The following PPFIA4 variants were observed in gnomAD, a reference collection of about 807,000 sequenced individuals.
PPFIA4 encodes the protein PPFI scaffold protein A4, also known as liprin-alpha-4.
In PPFIA4, 98 loss-of-function variants were observed where a neutral mutation model predicts 145.7. The ratio of observed to expected loss-of-function variants is 0.67; its 90% CI spans 0.57 to 0.80. The LOEUF is 0.80. Among genes scored for constraint, PPFIA4 ranks in the 30% least tolerant of loss-of-function variants. The probability of loss-of-function intolerance (pLI) is 0.00; values close to 1 mark genes in which losing one functional copy is unlikely to be tolerated. For missense variants in PPFIA4, 1,457 were observed against 1,632.7 expected, an observed-to-expected ratio of 0.89 and a Z score of 1.85; for synonymous variants, 628 against 649.6, an observed-to-expected ratio of 0.97 and a Z score of 0.51.
rs1019302117 is a variant in PPFIA4, at chr1:203,051,297, C to T, written c.1512-472C>T. 23 of 986,694 alleles carry T rather than the reference C, an allele frequency of 2.3e-5. No homozygotes were observed. The Admixed American group carries it at 3.1e-4, about 13-fold the overall frequency. 61.1% of individuals were successfully genotyped at this position (986,694 alleles called of 1,614,324 possible). ...ACTCAGTCCAGATTATGGGGAGACC[C>T]GAGGAAAAGTGCTGGGTAGAAGACC... On this transcript the variant is annotated intron_variant, in intron 13 of 29. Transcript: ENST00000295706.
At chr1:203,037,357 A>G (rs1659357220) in intron 1 of PPFIA4, among the ~76,000 whole-genome samples, 1 of 152,106 alleles carries the variant, frequency 6.6e-6, no homozygotes, top group South Asian at 2.1e-4. Context: ...CCGAGGGTAG[A>G]CAGAAGGCTT....
intron 1 of PPFIA4, among the ~76,000 whole-genome samples, chr1:203,032,426 C>CTTTTTTCTTTTTT (rs67178955): frequency 1.7e-5 from 1 of 59,484 alleles, no homozygotes; most frequent in Non-Finnish European, 3.6e-5. Context: ...CCCTTCCCCG[C>CTTTTTTCTTTTTT]TTTTTTGTTG....
chr1:203,067,318 C>T (rs765651185), intron 25 of PPFIA4: 7 of 216,172 alleles, frequency 3.2e-5, no homozygotes, highest in Non-Finnish European at 5.6e-5. Flanking sequence ...GTAAGGACTC[C>T]GAGTGAAGTA....
intron 4 of PPFIA4, 85 bp downstream of exon 4, chr1:203,044,180 G>C: frequency 7.1e-7 from 1 of 1,409,754 alleles, no homozygotes; most frequent in Non-Finnish European, 9.5e-7. Flanking sequence ...TTCCACATCC[G>C]GTATTTAGGG....
In PPFIA4 at chr1:203,059,208, A is replaced by G. The variant is rs770441608; in HGVS notation, c.2438A>G (p.Gln813Arg). The change falls in exon 20 of 30, where the codon CAG becomes CGG. Residue 813 changes from glutamine to arginine, a missense_variant. Around this residue, in one of 3 missense-constraint regions of PPFIA4, gnomAD observed 848 missense variants for 1,046.7 expected, o/e 0.81. Coordinates refer to ENST00000295706, the MANE Select transcript of PPFIA4 (RefSeq NM_001304331.2). ...VLLTDSEFSMQEPMVPAKLGT... is the reference protein window; with the variant it reads ...VLLTDSEFSMREPMVPAKLGT... The stretch of plus-strand genomic sequence containing the variant: ...CTAACAGACTCCGAATTCAGTATGC[A>G]GGAGCCTATGGTGCCTGCCAAGCTG... 5 of 1,550,372 alleles carry G rather than the reference A, an allele frequency of 3.2e-6. No individual in the cohort carries two copies. The highest frequency in any genetic ancestry group is 4.4e-6 in the Non-Finnish European group (5 of 1,137,798).
At chr1:203,026,958 T>TC (rs1027144613) in intron 1 of PPFIA4, among the ~76,000 whole-genome samples, 5 of 152,098 alleles carry the variant, frequency 3.3e-5, no homozygotes, top group Non-Finnish European at 7.4e-5. Context: ...CGCCCCCATT[T>TC]CCCCTCCAGG....
chr1:203,049,408 G>A (rs568958794), intron 12 of PPFIA4, among the ~76,000 whole-genome samples: 5 of 152,272 alleles, frequency 3.3e-5, no homozygotes, highest in East Asian at 1.9e-4. Context: ...GTGAGGGGTC[G>A]GCAGGCCTAG....
intron 25 of PPFIA4, 62 bp downstream of exon 25, chr1:203,064,065 C>T: frequency 6.5e-7 from 1 of 1,548,956 alleles, no homozygotes; most frequent in Non-Finnish European, 8.8e-7. Flanking sequence ...CTCTGAGGGT[C>T]TGCCTCCAGG....
At chr1:203,067,410 G>A (rs1008595063) in intron 25 of PPFIA4, 1 of 393,840 alleles carries the variant, frequency 2.5e-6, no homozygotes, top group Non-Finnish European at 4.6e-6. Flanking sequence ...TGCCTGGAGA[G>A]AGAGGGACAT....
intron 24 of PPFIA4, among the ~76,000 whole-genome samples, chr1:203,062,743 T>A (rs1661480994): frequency 6.6e-6 from 1 of 152,122 alleles, no homozygotes. Flanking sequence ...TGGAATTTGA[T>A]CCCAAAACTC....
At position 203,043,856 on chromosome 1, in the gene PPFIA4, C is replaced by A; in HGVS notation, c.337-75C>A. ...GTAACTCATGTCTGCTCGGGGATCACATGGACCCTGCTTGTAGCCCCTGGG... is the reference window on the plus strand; with the variant it reads ...GTAACTCATGTCTGCTCGGGGATCAAATGGACCCTGCTTGTAGCCCCTGGG... On this transcript the variant is annotated intron_variant, in intron 3 of 29. Transcript: ENST00000295706. This position sits in a 1 kb window ranked among gnomAD's most constrained non-coding sequence, Gnocchi z 4.4. 1 of 1,436,752 alleles carries A rather than the reference C, an allele frequency of 7.0e-7. No homozygotes were observed. Among genetic ancestry groups the A allele is most frequent in the Non-Finnish European group, 9.4e-7 (1 of 1,065,770 alleles). 89.0% of individuals were successfully genotyped at this position (1,436,752 alleles called of 1,614,324 possible). A position where few individuals can be genotyped will look rare whatever the true frequency, so the allele number is the denominator to read the frequency against.
Position 203,043,381 on chromosome 1 carries a change from C to G in PPFIA4, c.235-16C>G. ...GGGTGAATCCTGAAGCACTGAGGGG[C>G]CTTGGGGGTTTTCAGGAATTTGCCA... On this transcript the variant is annotated splice_polypyrimidine_tract_variant and intron_variant, in intron 2 of 29. Transcript: ENST00000295706. The surrounding 1 kb of genome is among the most constrained non-coding windows in gnomAD (Gnocchi z 4.4). 1 of 1,599,644 alleles carries G rather than the reference C, an allele frequency of 6.3e-7. No homozygotes were observed. Among genetic ancestry groups the G allele is most frequent in the South Asian group, 1.1e-5 (1 of 88,914 alleles).
At chr1:203,051,335 C>A (rs986694361) in intron 13 of PPFIA4, 6 of 989,250 alleles carry the variant, frequency 6.1e-6, no homozygotes, top group Admixed American at 1.2e-4. Context: ...AAAACAAAGA[C>A]CCTCAGAGTG....
intron 1 of PPFIA4, among the ~76,000 whole-genome samples, chr1:203,030,299 A>C (rs1658724770): frequency 6.6e-6 from 1 of 150,570 alleles, no homozygotes; most frequent in Admixed American, 6.6e-5. Context: ...GCTGGATGGG[A>C]GAGGGCCTCA....
intron 24 of PPFIA4, 119 bp from the exon 25 acceptor site, chr1:203,063,709 C>A: frequency 3.1e-6 from 3 of 954,726 alleles, no homozygotes; most frequent in Non-Finnish European, 4.9e-6. Flanking sequence ...TATTGGACTG[C>A]CCTTCCTCCC....
At position 203,043,379 on chromosome 1, in the gene PPFIA4, G is replaced by A. The variant is rs1189990724; in HGVS notation, c.235-18G>A. ...GGGGGTGAATCCTGAAGCACTGAGG[G>A]GCCTTGGGGGTTTTCAGGAATTTGC... is the stretch of plus-strand genomic sequence containing the variant. On this transcript the variant is annotated intron_variant, in intron 2 of 29. Coordinates refer to ENST00000295706, the MANE Select transcript of PPFIA4 (RefSeq NM_001304331.2). The surrounding 1 kb of genome is among the most constrained non-coding windows in gnomAD (Gnocchi z 4.4). 1 of 1,598,048 alleles carries A rather than the reference G, an allele frequency of 6.3e-7. No individual in the cohort carries two copies. The highest frequency in any genetic ancestry group is 1.1e-5 in the South Asian group (1 of 88,722).
rs1298483357 is a variant in PPFIA4, at chr1:203,055,360, C to T, written c.1830-72C>T. 2.5e-6 allele frequency: 4 copies of T among 1,589,962 alleles called. No individual in the cohort carries two copies. Among genetic ancestry groups the T allele is most frequent in the Middle Eastern group, 1.7e-4 (1 of 6,002 alleles). On this transcript the variant is annotated intron_variant, in intron 15 of 29. Coordinates refer to ENST00000295706, the MANE Select transcript of PPFIA4 (RefSeq NM_001304331.2). This position sits in a 1 kb window ranked among gnomAD's most constrained non-coding sequence, Gnocchi z 4.8. ...TGTGGTCCTTGGTGGCGAGTGCAGG[C>T]ATCGACCCGCACTGCCTCCTGCTGG...
At chr1:203,046,853 A>G (rs965438629) in intron 9 of PPFIA4, among the ~76,000 whole-genome samples, 16 of 152,146 alleles carry the variant, frequency 1.1e-4, no homozygotes, top group African/African-American at 3.6e-4. Flanking sequence ...TGAAGCTTCT[A>G]GATCTAGGGA....
chr1:203,076,259 G>A, intron 29 of PPFIA4, 82 bp from the exon 30 acceptor site: 1 of 1,467,874 alleles, frequency 6.8e-7, no homozygotes, highest in Non-Finnish European at 9.4e-7. Flanking sequence ...CGTTGCCGCT[G>A]TCGCACACAT....
Sources: allele counts gnomAD v4.1 joint callset (sites outside exome capture counted in the v4.1 genomes callset), GRCh38; gene constraint gnomAD v4.1.1; regional missense constraint gnomAD v4.1.1; non-coding constraint Gnocchi (gnomAD v3.1); transcripts MANE v1.5; gene names NCBI Gene and HGNC (gene_info 2026-07-23, HGNC 2026-07-21).